GINS2: variants seen among roughly 807,000 people sequenced by gnomAD.
GINS2 encodes GINS complex subunit 2, also known as DNA replication complex GINS protein PSF2.
In GINS2, 23 loss-of-function variants were observed where a neutral mutation model predicts 21.2. The ratio of observed to expected loss-of-function variants is 1.08; its 90% CI spans 0.78 to 1.53. The LOEUF is 1.53. Among genes scored for constraint, GINS2 ranks in the 40% most tolerant of loss-of-function variants. The pLI is 0.00. For synonymous variants in GINS2, 118 were observed against 85.6 expected, an observed-to-expected ratio of 1.38 and a Z score of -2.09; for missense variants, 323 against 233.9, an observed-to-expected ratio of 1.38 and a Z score of -2.49.
chr16:85,680,156 CCAGGAAG>C, intron 3 of GINS2, among the ~76,000 whole-genome samples: 1 of 152,322 alleles, frequency 6.6e-6, no homozygotes. Flanking sequence ...CCGCACCACA[CCAGGAAG>C]CAGGCCTATG....
chr16:85,676,844 G>T lies in GINS2; in HGVS notation c.*1368C>A, dbSNP rs1204955380. On this transcript the variant is annotated 3_prime_UTR_variant, in exon 5 of 5. Coordinates refer to ENST00000253462, the MANE Select transcript of GINS2 (RefSeq NM_016095.3). ...TACTGCAGCCTGGATGACAGAACGA[G>T]ACCCTGTCTAAAAAAAAAGTTAAAA... is the stretch of plus-strand genomic sequence containing the variant. The T allele has an allele frequency of 2.7e-5, 4 of 150,296 alleles. No individual in the cohort carries two copies. Among genetic ancestry groups the T allele is most frequent in the African/African-American group, 9.7e-5 (4 of 41,086 alleles). 9.3% of individuals were successfully genotyped at this position (150,296 alleles called of 1,614,324 possible).
chr16:85,686,695 G>T (rs951585870), intron 2 of GINS2, among the ~76,000 whole-genome samples: 11 of 152,136 alleles, frequency 7.2e-5, no homozygotes, highest in African/African-American at 2.7e-4. Context: ...TTTTGTGCCT[G>T]GTTTCTTTCA....
intron 3 of GINS2, among the ~76,000 whole-genome samples, chr16:85,678,891 C>A (rs1018411666): frequency 1.3e-5 from 2 of 152,222 alleles, no homozygotes; most frequent in Admixed American, 1.3e-4. Context: ...CCATGGCAGG[C>A]TGCTGAACAG....
Position 85,677,907 on chromosome 16 carries a change from C to T in GINS2, c.*305G>A. ...CTGCCCAAGTGTGATGGCTTCCATG[C>T]AGGAGACCCAAGTGGCTCTGCTAGG... On this transcript the variant is annotated 3_prime_UTR_variant, in exon 5 of 5. Transcript: ENST00000253462. The T allele has an allele frequency of 3.8e-6, 1 of 261,214 alleles. No individual in the cohort carries two copies. 16.2% of individuals were successfully genotyped at this position (261,214 alleles called of 1,614,324 possible).
At chr16:85,685,366 G>A (rs185917429) in intron 2 of GINS2, among the ~76,000 whole-genome samples, 1 of 152,030 alleles carries the variant, frequency 6.6e-6, no homozygotes, top group African/African-American at 2.4e-5. Context: ...GCCAGGCCTG[G>A]TGAGCCTCTC....
In GINS2 at chr16:85,687,665, T is replaced by C. The variant is rs184475471; in HGVS notation, c.91-91A>G. 5 of 685,216 alleles carry C rather than the reference T, an allele frequency of 7.3e-6. No homozygotes were observed. In the Admixed American group the frequency reaches 1.5e-4, roughly 20 times the overall value. The allele number at this position is 685,216 out of a possible 1,614,324, so 42.4% of individuals were successfully genotyped here. On this transcript the variant is annotated intron_variant, in intron 1 of 4. Transcript: ENST00000253462. ...CTGCTATCAAATAAGAGGCAAGGCA[T>C]TGCAGAGGCTGAAGTCCAAATGCAA...
chr16:85,684,909 C>T (rs947051191), intron 2 of GINS2, among the ~76,000 whole-genome samples: 7 of 152,032 alleles, frequency 4.6e-5, no homozygotes, highest in African/African-American at 1.7e-4. Flanking sequence ...CTGCCTCAGC[C>T]TCCCAAGTAG....
intron 2 of GINS2, among the ~76,000 whole-genome samples, chr16:85,685,644 C>A (rs1162663496): frequency 1.7e-5 from 2 of 115,714 alleles, no homozygotes; most frequent in East Asian, 6.5e-4. Flanking sequence ...ATAGCCCAGC[C>A]TGGGTGACAG....
chr16:85,678,769 C>CTT, intron 3 of GINS2, 103 bp from the exon 4 acceptor site: 1 of 1,104,928 alleles, frequency 9.1e-7, no homozygotes, highest in Non-Finnish European at 1.3e-6. Flanking sequence ...CTATTCCAGA[C>CTT]TCAGAAAGTC....
chr16:85,685,360 G>A (rs1037760933), intron 2 of GINS2, among the ~76,000 whole-genome samples: 1 of 152,124 alleles, frequency 6.6e-6, no homozygotes, highest in African/African-American at 2.4e-5. Flanking sequence ...AATGGAGCCA[G>A]GCCTGGTGAG....
At chr16:85,678,415 A>C in intron 4 of GINS2, 78 bp from the exon 5 acceptor site, 1 of 1,570,776 alleles carries the variant, frequency 6.4e-7, no homozygotes, top group Non-Finnish European at 8.7e-7. Context: ...GAATAAAAAT[A>C]AGAAACCAAT....
At chr16:85,681,531 C>A (rs1174846962) in intron 3 of GINS2, 51 bp downstream of exon 3, 4 of 1,054,500 alleles carry the variant, frequency 3.8e-6, no homozygotes, top group African/African-American at 1.6e-5. Flanking sequence ...AGGGGAAGGG[C>A]ATGGCGAGTC....
chr16:85,688,271 G>A (rs1024190390), intron 1 of GINS2, among the ~76,000 whole-genome samples: 9 of 152,204 alleles, frequency 5.9e-5, no homozygotes, highest in Non-Finnish European at 1.2e-4. Flanking sequence ...AAATAAGCCG[G>A]GCGCAGTGGC....
intron 1 of GINS2, 155 bp from the exon 2 acceptor site, chr16:85,687,729 C>G: frequency 2.3e-6 from 1 of 434,494 alleles, no homozygotes; most frequent in Non-Finnish European, 4.3e-6. Context: ...CAGAACAAAG[C>G]GCCTCCTGAG....
chr16:85,679,686 T>A (rs1441769574), intron 3 of GINS2, among the ~76,000 whole-genome samples: 1 of 152,150 alleles, frequency 6.6e-6, no homozygotes. Flanking sequence ...AAAAACTACA[T>A]CCATAATATA....
Position 85,678,243 on chromosome 16 carries a change from G to A in GINS2, c.527C>T (p.Pro176Leu). The A allele has an allele frequency of 9.3e-6, 15 of 1,613,212 alleles. No homozygotes were observed. Among genetic ancestry groups the A allele is most frequent in the Non-Finnish European group, 1.3e-5 (15 of 1,179,354 alleles). The change falls in exon 5 of 5, where the codon CCT (proline) becomes CTT (leucine). Residue 176 changes from proline (P) to leucine (L), a missense_variant. Transcript: ENST00000253462. ...HMYKLRTNLQ[P>L]LESTQSQDF ...GTCCTGAGACTGAGTACTCTCCAGA[G>A]GCTGGAGGTTCGTGCGGAGTTTGTA... is the stretch of plus-strand genomic sequence containing the variant.
At position 85,687,068 on chromosome 16, in the gene GINS2, A is replaced by G. The variant is rs1207069404; in HGVS notation, c.205+392T>C. On this transcript the variant is annotated intron_variant, in intron 2 of 4. Coordinates refer to ENST00000253462, the MANE Select transcript of GINS2 (RefSeq NM_016095.3). ...AAGACCCCATCTCTACAAAAACGCA[A>G]AAATTTGCAGGGTGTGGTGGCGCAC... 2.6e-5 allele frequency among the ~76,000 whole-genome samples: 4 copies of G among 152,342 alleles called. No individual in the cohort carries two copies. In the East Asian group the frequency reaches 7.7e-4, roughly 29 times the overall value.
intron 2 of GINS2, among the ~76,000 whole-genome samples, chr16:85,684,529 G>A (rs2053759334): frequency 6.6e-6 from 1 of 151,982 alleles, no homozygotes; most frequent in African/African-American, 2.4e-5. Context: ...AAGCCAAAAA[G>A]GGGAATCCCA....
At chr16:85,678,382 T>C (rs373573658) in intron 4 of GINS2, 45 bp from the exon 5 acceptor site, 2 of 1,606,926 alleles carry the variant, frequency 1.2e-6, no homozygotes, top group African/African-American at 1.3e-5. Flanking sequence ...GTTTTTGATT[T>C]TGAGAAAAAG....
Sources: allele counts gnomAD v4.1 joint callset (sites outside exome capture counted in the v4.1 genomes callset), GRCh38; gene constraint gnomAD v4.1.1; transcripts MANE v1.5; gene names NCBI Gene and HGNC (gene_info 2026-07-23, HGNC 2026-07-21).